Variants in PEAK1 observed in about 807,000 individuals in gnomAD.
PEAK1 encodes the protein inactive tyrosine-protein kinase PEAK1.
In PEAK1, 54 loss-of-function variants were observed where a neutral mutation model predicts 124.7. The observed-to-expected ratio is 0.43, with a 90% CI of 0.35 to 0.54. PEAK1 has a LOEUF of 0.54. Among genes scored for constraint, PEAK1 ranks in the 20% least tolerant of loss-of-function variants. The pLI, the probability that PEAK1 is intolerant of heterozygous loss-of-function variation, is 0.01. For missense variants in PEAK1, 2,046 were observed against 2,134.5 expected, an observed-to-expected ratio of 0.96 and a Z score of 0.82; for synonymous variants, 719 against 760.0, an observed-to-expected ratio of 0.95 and a Z score of 0.89.
At chr15:77,351,740 G>A (rs2067223200) in intron 2 of PEAK1, 1 of 985,248 alleles carries the variant, frequency 1.0e-6, no homozygotes. Flanking sequence ...CGAGAATAGG[G>A]CACAGAGGTT....
chr15:77,272,488 T>C (rs2062089954), intron 5 of PEAK1, among the ~76,000 whole-genome samples: 1 of 152,098 alleles, frequency 6.6e-6, no homozygotes, highest in South Asian at 2.1e-4. Context: ...AACACCTCTA[T>C]GCGCATGAAC....
chr15:77,376,982 T>A (rs545491120), intron 1 of PEAK1, among the ~76,000 whole-genome samples: 2 of 152,234 alleles, frequency 1.3e-5, no homozygotes, highest in Non-Finnish European at 2.9e-5. Flanking sequence ...TATAGCCTAC[T>A]ATACCCAGAG....
intron 1 of PEAK1, among the ~76,000 whole-genome samples, chr15:77,380,983 T>C (rs2069429108): frequency 6.6e-6 from 1 of 152,152 alleles, no homozygotes; most frequent in Non-Finnish European, 1.5e-5. Flanking sequence ...TAAGTTTTAT[T>C]TAGACAATAT....
At chr15:77,417,461 G>GC (rs2072974636) in intron 1 of PEAK1, 2 of 826,208 alleles carry the variant, frequency 2.4e-6, no homozygotes, top group South Asian at 5.6e-5. Flanking sequence ...ATGCGGGGCG[G>GC]GGGGGGAGGG....
intron 1 of PEAK1, chr15:77,402,850 T>C (rs980248430): frequency 1.0e-6 from 1 of 985,064 alleles, no homozygotes; most frequent in Admixed American, 6.2e-5. Context: ...CCCTAACGAA[T>C]GGGAAATATC....
chr15:77,191,373 G>T (rs2057824370), intron 6 of PEAK1, among the ~76,000 whole-genome samples: 1 of 152,096 alleles, frequency 6.6e-6, no homozygotes, highest in South Asian at 2.1e-4. Flanking sequence ...CCAGGAAGGG[G>T]TATGATCCCT....
intron 2 of PEAK1, chr15:77,334,033 A>G (rs2066047542): frequency 8.1e-6 from 5 of 620,544 alleles, no homozygotes; most frequent in Non-Finnish European, 1.0e-5. Flanking sequence ...GCTTATTAGA[A>G]ACATGTTTAA....
At chr15:77,250,959 C>T (rs1379392687) in intron 6 of PEAK1, among the ~76,000 whole-genome samples, 3 of 152,180 alleles carry the variant, frequency 2.0e-5, no homozygotes, top group Non-Finnish European at 2.9e-5. Flanking sequence ...TATTTACCAA[C>T]ATGAAACAGG....
intron 6 of PEAK1, among the ~76,000 whole-genome samples, chr15:77,196,091 T>C (rs2058089068): frequency 6.6e-6 from 1 of 152,204 alleles, no homozygotes; most frequent in African/African-American, 2.4e-5. Flanking sequence ...AAAGAGAAGA[T>C]CTTACAGACT....
At chr15:77,243,933 G>A (rs1322912171) in intron 6 of PEAK1, among the ~76,000 whole-genome samples, 5 of 151,350 alleles carry the variant, frequency 3.3e-5, no homozygotes, top group Middle Eastern at 3.4e-3. Context: ...GCGCCATTGC[G>A]CTCCAGCCTG....
intron 2 of PEAK1, among the ~76,000 whole-genome samples, chr15:77,323,375 T>C (rs2065359402): frequency 6.6e-6 from 1 of 152,098 alleles, no homozygotes; most frequent in Non-Finnish European, 1.5e-5. Context: ...ATTGTATATC[T>C]AGAAAACCCC....
intron 9 of PEAK1, among the ~76,000 whole-genome samples, chr15:77,132,646 G>A (rs1409270005): frequency 7.0e-6 from 1 of 142,910 alleles, no homozygotes; most frequent in Non-Finnish European, 1.5e-5. Context: ...AGTGAGCCGA[G>A]ATTGCACCAT....
At position 77,112,651 on chromosome 15, in the gene PEAK1, G is replaced by C. The variant is rs796168505; in HGVS notation, c.*1505C>G. 4 of 135,428 alleles carry C rather than the reference G, an allele frequency of 3.0e-5. No homozygotes were observed. The highest frequency in any genetic ancestry group is 1.2e-4 in the African/African-American group (4 of 34,432). The allele number at this position is 135,428 out of a possible 1,614,324, so 8.4% of individuals were successfully genotyped here. On this transcript the variant is annotated 3_prime_UTR_variant, in exon 10 of 10. Coordinates refer to ENST00000682557, the MANE Select transcript of PEAK1 (RefSeq NM_001385026.1). ...GAATAAAACAAGCACAGGTGAACATGTGTATACATACACACACACACACAC... is the reference window on the plus strand; with the variant it reads ...GAATAAAACAAGCACAGGTGAACATCTGTATACATACACACACACACACAC...
chr15:77,183,276 C>A (rs1437798467), intron 6 of PEAK1, among the ~76,000 whole-genome samples: 1 of 152,188 alleles, frequency 6.6e-6, no homozygotes, highest in African/African-American at 2.4e-5. Context: ...TTCTGTGCTA[C>A]AATGGAGAGA....
intron 6 of PEAK1, among the ~76,000 whole-genome samples, chr15:77,231,058 C>A (rs2059893160): frequency 6.6e-6 from 1 of 151,802 alleles, no homozygotes; most frequent in African/African-American, 2.4e-5. Flanking sequence ...TATTTGATGA[C>A]TGATTTAAGC....
intron 1 of PEAK1, among the ~76,000 whole-genome samples, chr15:77,388,036 A>G (rs1597554703): frequency 1.3e-5 from 2 of 152,210 alleles, no homozygotes; most frequent in South Asian, 2.1e-4. Flanking sequence ...AAGTATATAT[A>G]GCTGAAATTA....
At chr15:77,261,790 T>G (rs1166843593) in intron 5 of PEAK1, among the ~76,000 whole-genome samples, 1 of 151,948 alleles carries the variant, frequency 6.6e-6, no homozygotes, top group Non-Finnish European at 1.5e-5. Flanking sequence ...GAAGAGCAAC[T>G]CTAAGACACA....
rs2057201886 is a variant in PEAK1 at position 77,180,643 on chromosome 15, A to G, written c.1284T>C (p.Ile428=). The part of the protein sequence containing the change: ...ALRLEEKDGK[I]AVQTEKEESK... ...TTTCTTCCTTCTCAGTTTGTACAGC[A>G]ATCTTGCCATCTTTCTCTTCTAATC... The change falls in exon 7 of 10, where the codon ATT becomes ATC. Residue 428 remains isoleucine (I), a synonymous_variant. Coordinates refer to ENST00000682557, the MANE Select transcript of PEAK1 (RefSeq NM_001385026.1). 6.2e-7 allele frequency: 1 copy of G among 1,614,192 alleles called. No homozygotes were observed. The highest frequency in any genetic ancestry group is 1.3e-5 in the African/African-American group (1 of 75,040).
chr15:77,102,589 T>C (rs1449472499), exon 7 of PEAK1: 1 of 152,212 alleles, frequency 6.6e-6, no homozygotes, highest in African/African-American at 2.4e-5. Flanking sequence ...AGTATGAAGA[T>C]TAATATTTTC....
Sources: gnomAD v4.1 joint callset for allele counts (sites outside exome capture counted in the v4.1 genomes callset) on GRCh38, gnomAD v4.1.1 for gene constraint, MANE v1.5 for transcripts, NCBI Gene and HGNC (gene_info 2026-07-23, HGNC 2026-07-21) for gene names.